Variants in IFT74 observed in about 807,000 individuals in gnomAD.
The protein encoded by IFT74 is intraflagellar transport protein 74 homolog.
A neutral mutation model predicts 96.7 loss-of-function variants in IFT74; 92 were observed. That is an observed-to-expected ratio of 0.95 (90% CI 0.80 to 1.13). IFT74 has a LOEUF of 1.13. Ranked by LOEUF, IFT74 falls within the 50% of genes most tolerant of loss-of-function variation. IFT74 has a pLI of 0.00. For missense variants in IFT74, 811 were observed against 698.2 expected (o/e 1.16, Z -1.82); for synonymous variants, 223 against 213.2 (o/e 1.05, Z -0.40).
At chr9:26,972,478 C>A (rs1207578835) in intron 2 of IFT74, among the ~76,000 whole-genome samples, 1 of 152,118 alleles carries the variant, frequency 6.6e-6, no homozygotes, top group East Asian at 1.9e-4. Context: ...CTAAAGCTAC[C>A]CTGTCATTCA....
upstream of IFT74, chr9:26,955,958 A>G (rs989404513): frequency 2.0e-5 from 3 of 152,224 alleles, no homozygotes; most frequent in Admixed American, 6.5e-5. Context: ...CAGGAACGGA[A>G]CAGTTGGTGC....
intron 11 of IFT74, 101 bp from the exon 12 acceptor site, chr9:27,018,546 T>C: frequency 1.9e-6 from 1 of 537,868 alleles, no homozygotes; most frequent in Non-Finnish European, 3.2e-6. Flanking sequence ...AGAGTAGATT[T>C]GACACTTTAG....
chr9:27,027,824 G>C lies in IFT74; in HGVS notation c.975-1201G>C, dbSNP rs552708005. Reference sequence around the variant, plus strand: ...AAGTTTCCAATTTTGATTTTGTCCAGTTTTTCTATTTTTCTTTTGTTGCTC... The same window carrying C: ...AAGTTTCCAATTTTGATTTTGTCCACTTTTTCTATTTTTCTTTTGTTGCTC... On this transcript the variant is annotated intron_variant, in intron 12 of 19. Transcript: ENST00000380062. Among the ~76,000 whole-genome samples, 5 of 152,076 alleles carry C rather than the reference G, an allele frequency of 3.3e-5. No homozygotes were observed. In the South Asian group the frequency reaches 1.0e-3, roughly 32 times the overall value.
chr9:27,006,511 G>C (rs907223268), intron 8 of IFT74, among the ~76,000 whole-genome samples: 5 of 152,008 alleles, frequency 3.3e-5, no homozygotes, highest in African/African-American at 9.7e-5. Flanking sequence ...TGGCTGAGGT[G>C]GGGGGATGGC....
upstream of IFT74, chr9:26,955,824 G>A (rs1323203939): frequency 7.0e-6 from 1 of 143,672 alleles, no homozygotes; most frequent in African/African-American, 2.6e-5. Context: ...TTAAGGTGAA[G>A]TAGTTCTTAA....
At chr9:27,026,066 C>T (rs972004678) in intron 12 of IFT74, among the ~76,000 whole-genome samples, 3 of 152,156 alleles carry the variant, frequency 2.0e-5, no homozygotes, top group African/African-American at 7.2e-5. Context: ...AATTCACCAA[C>T]CAAGTATCTC....
intron 12 of IFT74, among the ~76,000 whole-genome samples, chr9:27,026,241 A>T (rs891134312): frequency 6.6e-6 from 1 of 152,230 alleles, no homozygotes; most frequent in Non-Finnish European, 1.5e-5. Flanking sequence ...AAAGAAGGAC[A>T]TTATGTAATG....
At chr9:27,000,911 A>G (rs1828449320) in intron 8 of IFT74, among the ~76,000 whole-genome samples, 1 of 152,178 alleles carries the variant, frequency 6.6e-6, no homozygotes, top group Non-Finnish European at 1.5e-5. Context: ...TTTTTTAAGC[A>G]AACTGTATGT....
At chr9:26,953,567 C>T (rs1456531112), upstream of IFT74, among the ~76,000 whole-genome samples, 1 of 152,186 alleles carries the variant, frequency 6.6e-6, no homozygotes, top group African/African-American at 2.4e-5. Context: ...AATCTTATTT[C>T]AGTTGATGTA....
At chr9:26,985,604 T>G (rs1827596679) in intron 6 of IFT74, among the ~76,000 whole-genome samples, 1 of 152,174 alleles carries the variant, frequency 6.6e-6, no homozygotes, top group Non-Finnish European at 1.5e-5. Context: ...TTCTGCTTCA[T>G]TTCCCTCCCC....
At chr9:27,056,203 C>T (rs555343903) in intron 17 of IFT74, 131 bp from the exon 18 acceptor site, 28 of 653,770 alleles carry the variant, frequency 4.3e-5, no homozygotes, top group African/African-American at 1.7e-4. Flanking sequence ...TTTTTACAAA[C>T]GGGTTTTAGA....
intron 8 of IFT74, among the ~76,000 whole-genome samples, chr9:27,002,004 T>A (rs10812512): frequency 0.98 from 149,184 of 151,940 alleles, 73,296 homozygotes; most frequent in East Asian, 1. Context: ...CTGTACAGGA[T>A]GCACGTCTGG....
intron 7 of IFT74, 21 bp from the exon 8 acceptor site, chr9:26,990,113 T>C: frequency 1.4e-6 from 2 of 1,452,566 alleles, no homozygotes; most frequent in East Asian, 2.6e-5. Context: ...TCTTACTAAC[T>C]TATGTGTTAA....
chr9:27,057,950 G>T (rs1820241260), intron 18 of IFT74, among the ~76,000 whole-genome samples: 1 of 152,102 alleles, frequency 6.6e-6, no homozygotes, highest in Admixed American at 6.5e-5. Context: ...CCACTACATA[G>T]GTACAACCGT....
chr9:27,062,956 T>C lies in IFT74; in HGVS notation c.*220T>C. The C allele has an allele frequency of 2.2e-6, 1 of 448,296 alleles. No individual in the cohort carries two copies. Among genetic ancestry groups the C allele is most frequent in the Non-Finnish European group, 3.9e-6 (1 of 255,784 alleles). The allele number at this position is 448,296 out of a possible 1,614,324, so 27.8% of individuals were successfully genotyped here. ...GTACCATCTTCTTTTCTTTTTATGC[T>C]ACTTGTATTTGAACCAAGAGATAAA... On this transcript the variant is annotated 3_prime_UTR_variant, in exon 20 of 20. Coordinates refer to ENST00000380062, the MANE Select transcript of IFT74 (RefSeq NM_025103.4).
chr9:26,969,373 T>C (rs1456768825), intron 2 of IFT74, among the ~76,000 whole-genome samples: 1 of 152,036 alleles, frequency 6.6e-6, no homozygotes, highest in South Asian at 2.1e-4. Context: ...TGAAGATGTA[T>C]GTATAGCTAC....
At chr9:26,965,883 A>T (rs1438452104) in intron 2 of IFT74, among the ~76,000 whole-genome samples, 1 of 152,074 alleles carries the variant, frequency 6.6e-6, no homozygotes, top group Non-Finnish European at 1.5e-5. Flanking sequence ...AACATGCGGT[A>T]TTTGACTTTC....
intron 2 of IFT74, among the ~76,000 whole-genome samples, chr9:26,975,908 C>G (rs1211064668): frequency 1.3e-5 from 2 of 152,228 alleles, no homozygotes; most frequent in Admixed American, 1.3e-4. Context: ...ATGGCAGGAT[C>G]TGCCACATGA....
chr9:26,972,029 A>G (rs1314383313), intron 2 of IFT74, among the ~76,000 whole-genome samples: 2 of 152,160 alleles, frequency 1.3e-5, no homozygotes, highest in African/African-American at 4.8e-5. Context: ...AGGAGGACCC[A>G]TCTATAAATA....
Sources: gnomAD v4.1 joint callset for allele counts (sites outside exome capture counted in the v4.1 genomes callset) on GRCh38, gnomAD v4.1.1 for gene constraint, MANE v1.5 for transcripts, NCBI Gene and HGNC (gene_info 2026-07-23, HGNC 2026-07-21) for gene names.